Variants in NR6A1 observed in about 807,000 individuals in gnomAD.
NR6A1 encodes nuclear receptor subfamily 6 group A member 1, also known as retinoic acid receptor-related testis-associated receptor.
Under a neutral mutation model 59.1 loss-of-function variants are expected in NR6A1, and 7 were observed. The observed-to-expected ratio is 0.12, with a 90% CI of 0.07 to 0.22. The LOEUF (loss-of-function observed/expected upper bound fraction) is 0.22, where lower values mean the gene tolerates loss of function less well. NR6A1 is among the 10% of genes least tolerant of loss of function. The probability of loss-of-function intolerance (pLI) is 1.00; values close to 1 mark genes in which losing one functional copy is unlikely to be tolerated. For synonymous variants in NR6A1, 243 were observed against 236.1 expected, an observed-to-expected ratio of 1.03 and a Z score of -0.27; for missense variants, 468 against 611.6, an observed-to-expected ratio of 0.77 and a Z score of 2.48.
chr9:124,568,750 C>T (rs1224149879), intron 2 of NR6A1, among the ~76,000 whole-genome samples: 5 of 151,832 alleles, frequency 3.3e-5, no homozygotes, highest in Non-Finnish European at 5.9e-5. Context: ...AAAAGATAGA[C>T]TTCCCATTAC....
intron 2 of NR6A1, among the ~76,000 whole-genome samples, chr9:124,566,430 T>G (rs1268719349): frequency 6.6e-6 from 1 of 152,042 alleles, no homozygotes; most frequent in Non-Finnish European, 1.5e-5. Flanking sequence ...AGCAGAGCAC[T>G]CCAAGAAAGG....
At chr9:124,618,413 G>A (rs1489137161) in intron 2 of NR6A1, among the ~76,000 whole-genome samples, 1 of 152,124 alleles carries the variant, frequency 6.6e-6, no homozygotes, top group Admixed American at 6.6e-5. Flanking sequence ...AACCCGGGAG[G>A]CGGAGGTTGC....
At chr9:124,764,418 C>T (rs1321260689) in intron 1 of NR6A1, among the ~76,000 whole-genome samples, 2 of 152,020 alleles carry the variant, frequency 1.3e-5, no homozygotes, top group Non-Finnish European at 2.9e-5. Context: ...TTGGGCATTA[C>T]AATGATGGGT....
At chr9:124,649,943 C>T (rs1837049472) in intron 2 of NR6A1, among the ~76,000 whole-genome samples, 1 of 152,036 alleles carries the variant, frequency 6.6e-6, no homozygotes, top group Admixed American at 6.6e-5. Flanking sequence ...AAGACTGGTG[C>T]TGGTGAGGAT....
chr9:124,542,980 G>C (rs983164718), intron 4 of NR6A1, among the ~76,000 whole-genome samples: 6 of 152,178 alleles, frequency 3.9e-5, no homozygotes, highest in Admixed American at 3.3e-4. Context: ...AGAACAACGG[G>C]TAAGAACAAG....
At chr9:124,643,866 T>C (rs898150947) in intron 2 of NR6A1, among the ~76,000 whole-genome samples, 23 of 152,152 alleles carry the variant, frequency 1.5e-4, no homozygotes, top group African/African-American at 4.6e-4. Context: ...TTGTACATAG[T>C]AAAAGATGCT....
At chr9:124,596,695 A>G (rs1235956958) in intron 2 of NR6A1, among the ~76,000 whole-genome samples, 2 of 152,182 alleles carry the variant, frequency 1.3e-5, no homozygotes, top group Non-Finnish European at 2.9e-5. Context: ...TGATTCATGA[A>G]CCACACCAGC....
intron 2 of NR6A1, among the ~76,000 whole-genome samples, chr9:124,654,514 C>T (rs141151024): frequency 6.6e-6 from 1 of 152,276 alleles, no homozygotes; most frequent in African/African-American, 2.4e-5. Context: ...AGCTCAATCC[C>T]ACATGAGAGC....
intron 2 of NR6A1, among the ~76,000 whole-genome samples, chr9:124,593,736 A>C (rs1399362544): frequency 6.6e-6 from 1 of 152,280 alleles, no homozygotes; most frequent in Admixed American, 6.5e-5. Context: ...CCTGCCAGGC[A>C]GGGGCTGTGC....
intron 2 of NR6A1, chr9:124,693,773 A>T (rs1838647887): frequency 1.9e-6 from 1 of 534,548 alleles, no homozygotes. Context: ...CTCACTGATC[A>T]ATGAATGCAA....
chr9:124,738,584 G>T (rs764757841), intron 1 of NR6A1, among the ~76,000 whole-genome samples: 1 of 152,034 alleles, frequency 6.6e-6, no homozygotes, highest in Non-Finnish European at 1.5e-5. Flanking sequence ...AAAAGGACAC[G>T]GGGGCCGGGC....
chr9:124,568,781 G>T (rs2131423592), intron 2 of NR6A1, among the ~76,000 whole-genome samples: 1 of 151,884 alleles, frequency 6.6e-6, no homozygotes, highest in South Asian at 2.1e-4. Flanking sequence ...TCCTGTGAAG[G>T]TGGGGGAAGA....
chr9:124,647,038 C>T (rs1458637417), intron 2 of NR6A1, among the ~76,000 whole-genome samples: 1 of 152,168 alleles, frequency 6.6e-6, no homozygotes, highest in Non-Finnish European at 1.5e-5. Flanking sequence ...CCTCTGTCTT[C>T]CCAGTAGCTA....
chr9:124,598,734 TCTTCTCC>T, intron 2 of NR6A1: 5 of 888,020 alleles, frequency 5.6e-6, no homozygotes, highest in Non-Finnish European at 7.2e-6. Flanking sequence ...TCCTCCTTGG[TCTTCTCC>T]CTTCTCCTTC....
intron 2 of NR6A1, among the ~76,000 whole-genome samples, chr9:124,584,091 C>G (rs903528168): frequency 2.0e-5 from 3 of 147,520 alleles, no homozygotes; most frequent in African/African-American, 7.5e-5. Context: ...TTTTATTGCA[C>G]TTGGCTTTTT....
chr9:124,564,050 C>T (rs1056516180), intron 2 of NR6A1, among the ~76,000 whole-genome samples: 1 of 152,076 alleles, frequency 6.6e-6, no homozygotes, highest in Non-Finnish European at 1.5e-5. Flanking sequence ...TGTACTCCAG[C>T]CTGGATGACA....
chr9:124,638,636 A>C (rs1162343182), intron 2 of NR6A1, among the ~76,000 whole-genome samples: 1 of 152,178 alleles, frequency 6.6e-6, no homozygotes, highest in African/African-American at 2.4e-5. Flanking sequence ...CATATTACTT[A>C]AGCTTTCTGA....
At chr9:124,758,426 C>T (rs548441578) in intron 1 of NR6A1, among the ~76,000 whole-genome samples, 1 of 152,220 alleles carries the variant, frequency 6.6e-6, no homozygotes, top group African/African-American at 2.4e-5. Context: ...CTTCTCAATG[C>T]TGAATGAGTT....
intron 2 of NR6A1, among the ~76,000 whole-genome samples, chr9:124,680,152 G>C (rs951384934): frequency 6.6e-6 from 1 of 151,794 alleles, no homozygotes; most frequent in Non-Finnish European, 1.5e-5. Context: ...CGTGATGTGT[G>C]ACATTGAAAG....
Sources: allele counts gnomAD v4.1 joint callset (sites outside exome capture counted in the v4.1 genomes callset), GRCh38; gene constraint gnomAD v4.1.1; transcripts MANE v1.5; gene names NCBI Gene and HGNC (gene_info 2026-07-23, HGNC 2026-07-21).